The following GSK3B variants were observed in gnomAD, a reference collection of about 807,000 sequenced individuals.
GSK3B encodes the protein glycogen synthase kinase-3 beta.
GSK3B carries 15 observed loss-of-function variants against 56.4 expected under a neutral mutation model. The ratio of observed to expected loss-of-function variants is 0.27; its 90% confidence interval spans 0.18 to 0.41. The LOEUF is 0.41. Ranked by LOEUF, GSK3B falls within the 10% of genes least tolerant of loss-of-function variation. The pLI, the probability that GSK3B is intolerant of heterozygous loss-of-function variation, is 1.00. For synonymous variants in GSK3B, 181 were observed against 188.9 expected (o/e 0.96, Z 0.34); for missense variants, 300 against 513.4 (o/e 0.58, Z 4.02).
rs531349268 is a variant in GSK3B at position 119,852,062 on chromosome 3, C to T, written c.1097-8709G>A. Among the ~76,000 whole-genome samples the T allele has an allele frequency of 3.0e-4, 45 of 152,230 alleles. No individual in the cohort carries two copies. The South Asian group carries it at 7.9e-3, about 27-fold the overall frequency. On this transcript the variant is annotated intron_variant, in intron 9 of 10. Transcript: ENST00000264235. Reference sequence around the variant, plus strand: ...TGCCCAGGAAATTCCTGACCATGTTCCTAATGCTAAACTAATTAGAAAATC... The same window carrying T: ...TGCCCAGGAAATTCCTGACCATGTTTCTAATGCTAAACTAATTAGAAAATC...
intron 7 of GSK3B, among the ~76,000 whole-genome samples, chr3:119,889,099 T>C (rs2056472520): frequency 1.3e-5 from 2 of 152,128 alleles, no homozygotes; most frequent in Non-Finnish European, 1.5e-5. Flanking sequence ...GTTCTGCCTT[T>C]TGCCCTATGA....
intron 8 of GSK3B, among the ~76,000 whole-genome samples, chr3:119,873,417 C>G (rs960929827): frequency 1.3e-5 from 2 of 151,988 alleles, no homozygotes; most frequent in Admixed American, 1.3e-4. Context: ...GTTCACATGT[C>G]CACAGCTTCA....
chr3:120,012,354 A>G (rs1315771046), intron 1 of GSK3B, among the ~76,000 whole-genome samples: 1 of 152,198 alleles, frequency 6.6e-6, no homozygotes, highest in Admixed American at 6.5e-5. Context: ...CCCAGTACTA[A>G]ATTTCCTAGC....
chr3:119,835,232 C>T (rs2055671391), intron 10 of GSK3B, among the ~76,000 whole-genome samples: 1 of 152,206 alleles, frequency 6.6e-6, no homozygotes. Context: ...AGTACTTGTA[C>T]TGACAGTGGG....
intron 1 of GSK3B, among the ~76,000 whole-genome samples, chr3:120,066,395 A>C (rs1401313926): frequency 6.6e-6 from 1 of 152,198 alleles, no homozygotes; most frequent in African/African-American, 2.4e-5. Context: ...AAAAGAGCCA[A>C]CATGACGGGG....
At chr3:119,833,687 GTTGTTTTTTTTTTT>G (rs1246262114) in intron 10 of GSK3B, among the ~76,000 whole-genome samples, 48 of 133,450 alleles carry the variant, frequency 3.6e-4, no homozygotes, top group African/African-American at 1.4e-3. Flanking sequence ...GAAACATTAG[GTTGTTTTTTTTTTT>G]TTTTTTTTTT....
At chr3:119,897,863 A>C (rs573468156) in intron 7 of GSK3B, among the ~76,000 whole-genome samples, 2 of 152,080 alleles carry the variant, frequency 1.3e-5, no homozygotes, top group Admixed American at 1.3e-4. Context: ...GTCAGGAAAC[A>C]AGAGTGTAGG....
intron 7 of GSK3B, among the ~76,000 whole-genome samples, chr3:119,897,142 G>A (rs1034151410): frequency 3.9e-5 from 6 of 152,204 alleles, no homozygotes; most frequent in South Asian, 2.1e-4. Flanking sequence ...GAAAAGTAAC[G>A]ATTTCAAATG....
rs1469958666 is a variant in GSK3B at position 120,026,534 on chromosome 3, C to CACACACAA, written c.89-24296_89-24295insTTGTGTGT. On this transcript the variant is annotated intron_variant, in intron 1 of 10. Coordinates refer to ENST00000264235, the MANE Select transcript of GSK3B (RefSeq NM_001146156.2). ...AAATACACACACACACACACACACA[C>CACACACAA]ACACACACACACACACACAAACACA... Among the ~76,000 whole-genome samples the CACACACAA allele has an allele frequency of 1.2e-4, 17 of 143,396 alleles. No individual in the cohort carries two copies. In the East Asian group the frequency reaches 3.4e-3, roughly 29 times the overall value. The allele number at this position is 143,396 out of a possible 152,430, so 94.1% of individuals were successfully genotyped here.
chr3:120,059,790 T>G (rs1295469139), intron 1 of GSK3B, among the ~76,000 whole-genome samples: 1 of 152,194 alleles, frequency 6.6e-6, no homozygotes, highest in Non-Finnish European at 1.5e-5. Context: ...GGAACAAAGT[T>G]CTGAAATTCC....
Position 119,866,501 on chromosome 3 carries a change from T to C in GSK3B, c.910-2896A>G, listed in dbSNP as rs1018620442. On this transcript the variant is annotated intron_variant, in intron 8 of 10. Coordinates refer to ENST00000264235, the MANE Select transcript of GSK3B (RefSeq NM_001146156.2). ...ATTGTTTACTATTACATTTCAAGAA[T>C]GAGTAATTATTTAGCCTCTCAAAGA... The C allele has an allele frequency of 8.6e-6, 7 of 811,238 alleles. No homozygotes were observed. The African/African-American group carries it at 1.0e-4, about 12-fold the overall frequency. The allele number at this position is 811,238 out of a possible 1,614,324, so 50.3% of individuals were successfully genotyped here.
At chr3:119,942,947 T>G (rs1246996194) in intron 3 of GSK3B, among the ~76,000 whole-genome samples, 1 of 152,130 alleles carries the variant, frequency 6.6e-6, no homozygotes, top group Non-Finnish European at 1.5e-5. Flanking sequence ...AGTATACGAA[T>G]TGACTACATG....
At chr3:119,958,699 A>T (rs1265508998) in intron 2 of GSK3B, among the ~76,000 whole-genome samples, 2 of 152,106 alleles carry the variant, frequency 1.3e-5, no homozygotes, top group Non-Finnish European at 2.9e-5. Flanking sequence ...TGGAAGAAAA[A>T]AAAAGGATGG....
intron 2 of GSK3B, among the ~76,000 whole-genome samples, chr3:119,973,830 G>GC (rs1225925613): frequency 6.6e-6 from 1 of 152,048 alleles, no homozygotes; most frequent in Non-Finnish European, 1.5e-5. Context: ...ATGGTTTTAG[G>GC]CATCCACTGG....
chr3:119,967,913 T>C (rs1375682141), intron 2 of GSK3B, among the ~76,000 whole-genome samples: 1 of 150,384 alleles, frequency 6.6e-6, no homozygotes, highest in Non-Finnish European at 1.5e-5. Flanking sequence ...TGGAGTGCAG[T>C]GGCACAATCT....
chr3:119,931,950 G>A (rs1047306967), intron 3 of GSK3B, among the ~76,000 whole-genome samples: 6 of 151,960 alleles, frequency 3.9e-5, no homozygotes, highest in Non-Finnish European at 7.4e-5. Context: ...ATTTTTCTAT[G>A]AACTCCACAT....
intron 4 of GSK3B, among the ~76,000 whole-genome samples, chr3:119,922,196 G>GGGAA (rs1212928394): frequency 0.015 from 1,898 of 126,850 alleles, 70 homozygotes; most frequent in African/African-American, 0.058. Flanking sequence ...TAGGTAGGTA[G>GGGAA]GTAGGGAAGG....
At chr3:119,845,772 C>T (rs1359625725) in intron 9 of GSK3B, among the ~76,000 whole-genome samples, 4 of 152,130 alleles carry the variant, frequency 2.6e-5, no homozygotes, top group African/African-American at 4.8e-5. Context: ...CTATTCCCAT[C>T]GAACTACCAC....
chr3:120,052,535 G>C (rs960091014), intron 1 of GSK3B, among the ~76,000 whole-genome samples: 1 of 152,060 alleles, frequency 6.6e-6, no homozygotes, highest in African/African-American at 2.4e-5. Context: ...GGTAATTCTA[G>C]GTTATTTTTT....
Sources: allele counts gnomAD v4.1 joint callset (sites outside exome capture counted in the v4.1 genomes callset), GRCh38; gene constraint gnomAD v4.1.1; transcripts MANE v1.5; gene names NCBI Gene and HGNC (gene_info 2026-07-23, HGNC 2026-07-21).